The following HIVEP3 variants were observed in gnomAD, a reference collection of about 807,000 sequenced individuals.
HIVEP3 encodes the protein HIVEP zinc finger 3.
In HIVEP3, 49 loss-of-function variants were observed where a neutral mutation model predicts 152.8. The ratio of observed to expected loss-of-function variants is 0.32; its 90% CI spans 0.26 to 0.41. The LOEUF (loss-of-function observed/expected upper bound fraction) is 0.41. Ranked by LOEUF, HIVEP3 falls within the 10% of genes least tolerant of loss-of-function variation. HIVEP3 has a pLI of 1.00. For missense variants in HIVEP3, 2,790 were observed against 3,103.3 expected, an observed-to-expected ratio of 0.90 and a Z score of 2.40; for synonymous variants, 1,269 against 1,289.0, an observed-to-expected ratio of 0.98 and a Z score of 0.33.
intron 1 of HIVEP3, among the ~76,000 whole-genome samples, chr1:41,819,747 A>G (rs990258898): frequency 3.3e-5 from 5 of 152,190 alleles, no homozygotes; most frequent in African/African-American, 4.8e-5. Context: ...AGAGATGTTT[A>G]TGATATTGGG....
chr1:41,616,953 C>T (rs977342354), intron 3 of HIVEP3, among the ~76,000 whole-genome samples: 1 of 152,174 alleles, frequency 6.6e-6, no homozygotes, highest in African/African-American at 2.4e-5. Flanking sequence ...GCAATCCCTA[C>T]TTTACCAAAG....
chr1:41,683,222 A>G (rs1190842926), intron 2 of HIVEP3, among the ~76,000 whole-genome samples: 1 of 152,234 alleles, frequency 6.6e-6, no homozygotes, highest in Non-Finnish European at 1.5e-5. Context: ...TGAAAGCTAC[A>G]CTAAGCCAAC....
chr1:41,559,901 C>T (rs1447352456), intron 5 of HIVEP3, among the ~76,000 whole-genome samples: 2 of 152,192 alleles, frequency 1.3e-5, no homozygotes, highest in Non-Finnish European at 2.9e-5. Flanking sequence ...TCATACCAAC[C>T]CTCTAAGATA....
intron 2 of HIVEP3, among the ~76,000 whole-genome samples, chr1:41,661,083 T>C (rs1222490533): frequency 6.6e-6 from 1 of 152,158 alleles, no homozygotes; most frequent in Non-Finnish European, 1.5e-5. Flanking sequence ...TACAAAACAT[T>C]TTTTACTTAC....
intron 1 of HIVEP3, among the ~76,000 whole-genome samples, chr1:41,977,516 C>G (rs940048586): frequency 1.3e-5 from 2 of 152,148 alleles, no homozygotes; most frequent in Admixed American, 6.5e-5. Flanking sequence ...AGTGTCACAT[C>G]CCCCCATCTC....
Position 41,620,450 on chromosome 1 carries a change from C to T in HIVEP3, c.-522+8299G>A, listed in dbSNP as rs186723039. Among the ~76,000 whole-genome samples the T allele has an allele frequency of 2.1e-3, 326 of 152,290 alleles. 1 individual carries two copies. Among genetic ancestry groups the T allele is most frequent in the South Asian group, 4.8e-3 (23 of 4,814 alleles). On this transcript the variant is annotated intron_variant, in intron 3 of 8. Coordinates refer to ENST00000372583, the MANE Select transcript of HIVEP3 (RefSeq NM_024503.5). ...CTGATCCTCCTGTCCTGCCCTACCT[C>T]TCCTCTCACCTGTCTGAGCACTTCT...
chr1:41,605,823 G>A (rs1644815777), intron 3 of HIVEP3, among the ~76,000 whole-genome samples: 1 of 152,080 alleles, frequency 6.6e-6, no homozygotes, highest in Non-Finnish European at 1.5e-5. Context: ...ATAGTAGTGG[G>A]GGGTGGGGCT....
At chr1:41,659,971 C>T (rs1170332932) in intron 2 of HIVEP3, among the ~76,000 whole-genome samples, 17 of 152,126 alleles carry the variant, frequency 1.1e-4, no homozygotes, top group East Asian at 1.9e-4. Flanking sequence ...TGAGAGTGTG[C>T]GTAGGAGCAG....
At chr1:41,803,593 A>G (rs1435979543) in intron 1 of HIVEP3, among the ~76,000 whole-genome samples, 1 of 152,208 alleles carries the variant, frequency 6.6e-6, no homozygotes, top group East Asian at 1.9e-4. Context: ...ATAGGTACCC[A>G]GAGGCCCCAC....
At chr1:41,571,350 AAAC>A (rs1287334138) in intron 5 of HIVEP3, among the ~76,000 whole-genome samples, 1 of 152,218 alleles carries the variant, frequency 6.6e-6, no homozygotes, top group African/African-American at 2.4e-5. Context: ...GTGTGTGTGA[AAAC>A]AACACTGCTT....
intron 1 of HIVEP3, among the ~76,000 whole-genome samples, chr1:41,871,870 T>C (rs977735977): frequency 6.6e-6 from 1 of 152,238 alleles, no homozygotes; most frequent in African/African-American, 2.4e-5. Context: ...GCCACATTGA[T>C]GAGCCCAAGA....
chr1:41,757,160 G>A (rs1468369892), intron 1 of HIVEP3, among the ~76,000 whole-genome samples: 1 of 149,926 alleles, frequency 6.7e-6, no homozygotes, highest in Non-Finnish European at 1.5e-5. Context: ...CTGTGGCCCA[G>A]GCTGGAGCGC....
intron 1 of HIVEP3, among the ~76,000 whole-genome samples, chr1:41,867,183 G>T (rs936925731): frequency 6.6e-6 from 1 of 152,098 alleles, no homozygotes; most frequent in African/African-American, 2.4e-5. Context: ...GGCATTTCTA[G>T]CTCAGGGCCA....
chr1:41,870,201 C>A (rs1234479642), intron 1 of HIVEP3, among the ~76,000 whole-genome samples: 1 of 152,074 alleles, frequency 6.6e-6, no homozygotes, highest in Non-Finnish European at 1.5e-5. Flanking sequence ...TCTGGCTGAT[C>A]CCTGCTCATG....
chr1:41,704,010 A>G (rs1013844591), intron 1 of HIVEP3, among the ~76,000 whole-genome samples: 9 of 152,190 alleles, frequency 5.9e-5, no homozygotes, highest in South Asian at 2.1e-4. Flanking sequence ...GTCACTCACT[A>G]GTTGTATACT....
At chr1:41,589,284 C>T (rs1387529300) in intron 3 of HIVEP3, among the ~76,000 whole-genome samples, 1 of 152,202 alleles carries the variant, frequency 6.6e-6, no homozygotes, top group Non-Finnish European at 1.5e-5. Flanking sequence ...CCAGTGAGAG[C>T]TCTCGCTCAG....
rs1471933572 is a variant in HIVEP3 at position 41,507,514 on chromosome 1, C to G, written c.*2937G>C. The G allele has an allele frequency of 1.3e-5, 2 of 152,350 alleles. No homozygotes were observed. The highest frequency in any genetic ancestry group is 3.8e-4 in the East Asian group (2 of 5,204). 9.4% of individuals were successfully genotyped at this position (152,350 alleles called of 1,614,324 possible). A position where few individuals can be genotyped will look rare whatever the true frequency, so the allele number is the denominator to read the frequency against. The stretch of plus-strand genomic sequence containing the variant: ...AACCTCGACCAGTTGGTTCCTCCCC[C>G]ACTGCCCACACCCAAGGACCAGGAC... On this transcript the variant is annotated 3_prime_UTR_variant, in exon 9 of 9. Coordinates refer to ENST00000372583, the MANE Select transcript of HIVEP3 (RefSeq NM_024503.5).
At chr1:41,984,578 C>A (rs1013448563) in intron 1 of HIVEP3, among the ~76,000 whole-genome samples, 5 of 152,190 alleles carry the variant, frequency 3.3e-5, no homozygotes, top group African/African-American at 1.2e-4. Flanking sequence ...AAGGGAAAAG[C>A]AATCACCCAG....
intron 1 of HIVEP3, among the ~76,000 whole-genome samples, chr1:41,953,517 T>A (rs147363886): frequency 5.9e-5 from 9 of 152,366 alleles, no homozygotes; most frequent in Admixed American, 1.3e-4. Flanking sequence ...CTTGTAATTG[T>A]CAGATGTCTG....
Sources: gnomAD v4.1 joint callset for allele counts (sites outside exome capture counted in the v4.1 genomes callset) on GRCh38, gnomAD v4.1.1 for gene constraint, MANE v1.5 for transcripts, NCBI Gene and HGNC (gene_info 2026-07-23, HGNC 2026-07-21) for gene names.